Variants in ZZEF1 observed in about 807,000 individuals in gnomAD.
ZZEF1 encodes the protein zinc finger ZZ-type and EF-hand domain-containing protein 1.
A neutral mutation model predicts 342.8 loss-of-function variants in ZZEF1; 157 were observed. The observed-to-expected ratio is 0.46, with a 90% CI of 0.40 to 0.52. The LOEUF (loss-of-function observed/expected upper bound fraction) is 0.52. ZZEF1 is among the 20% of genes least tolerant of loss of function. The pLI is 0.00. For missense variants in ZZEF1, 3,480 were observed against 3,725.6 expected (o/e 0.93, Z 1.72); for synonymous variants, 1,505 against 1,429.1 (o/e 1.05, Z -1.20).
intron 42 of ZZEF1, among the ~76,000 whole-genome samples, chr17:4,029,235 A>G (rs1413997790): frequency 6.6e-6 from 1 of 152,210 alleles, no homozygotes; most frequent in East Asian, 1.9e-4. Context: ...TTGTAATAAT[A>G]TTCATAATAG....
chr17:4,039,790 C>A (rs2056761589), intron 39 of ZZEF1, among the ~76,000 whole-genome samples: 1 of 151,544 alleles, frequency 6.6e-6, no homozygotes, highest in Non-Finnish European at 1.5e-5. Context: ...ACTACAGGCG[C>A]CCGCCACCAC....
chr17:4,059,039 G>A (rs1204883073), intron 31 of ZZEF1, 132 bp downstream of exon 31: 1 of 691,314 alleles, frequency 1.4e-6, no homozygotes, highest in African/African-American at 1.9e-5. Flanking sequence ...AGCTCTCTAG[G>A]TGGTAACATT....
intron 37 of ZZEF1, among the ~76,000 whole-genome samples, chr17:4,047,218 A>C (rs970293153): frequency 1.3e-5 from 2 of 152,230 alleles, no homozygotes; most frequent in African/African-American, 2.4e-5. Context: ...GGAAGGCCTA[A>C]AACAAGCCTG....
chr17:4,021,099 C>G, intron 45 of ZZEF1, 30 bp downstream of exon 45: 1 of 1,565,324 alleles, frequency 6.4e-7, no homozygotes. Context: ...AGAAGCCCCT[C>G]CTAAGCCACA....
chr17:4,119,460 C>T lies in ZZEF1; in HGVS notation c.500-2294G>A, dbSNP rs77636984. On this transcript the variant is annotated intron_variant, in intron 2 of 54. Coordinates refer to ENST00000381638, the MANE Select transcript of ZZEF1 (RefSeq NM_015113.4). ...TGGCCTTTCCCACCGGAACAGCTCT[C>T]ACCCTACTGGTCAGGAAGCCAACAT... Among the ~76,000 whole-genome samples the T allele has an allele frequency of 6.6e-3, 1,010 of 152,346 alleles. 6 individuals carry two copies. The highest frequency in any genetic ancestry group is 0.02 in the Middle Eastern group (6 of 294).
At chr17:4,049,418 G>C (rs1406875004) in intron 37 of ZZEF1, among the ~76,000 whole-genome samples, 1 of 152,104 alleles carries the variant, frequency 6.6e-6, no homozygotes, top group Non-Finnish European at 1.5e-5. Flanking sequence ...AGGATGAAGT[G>C]GGAGGATCAC....
Position 4,076,740 on chromosome 17 carries a change from A to G in ZZEF1, c.3131T>C (p.Phe1044Ser). The change falls in exon 21 of 55, where the codon TTC (phenylalanine) becomes TCC (serine). Residue 1044 changes from phenylalanine (F) to serine (S), a missense_variant. Physicochemically the swap from Phe to Ser is radical, Grantham distance 155. Around this residue, in one of 5 missense-constraint regions of ZZEF1, gnomAD observed 1,528 missense variants for 1,624.1 expected, o/e 0.94. Coordinates refer to ENST00000381638, the MANE Select transcript of ZZEF1 (RefSeq NM_015113.4). Reference sequence around the variant, plus strand: ...GCAGTGTGGGATGTCTAAAGTGCAGAAGTCCAGCAGGAAGATAACCTAATG... The same window carrying G: ...GCAGTGTGGGATGTCTAAAGTGCAGGAGTCCAGCAGGAAGATAACCTAATG... ...ARQLVIFLLD[F>S]CTLDIPHCVL... is the part of the protein sequence containing the mutation. The G allele has an allele frequency of 1.2e-6, 2 of 1,610,978 alleles. No individual in the cohort carries two copies. Among genetic ancestry groups the G allele is most frequent in the Non-Finnish European group, 1.7e-6 (2 of 1,177,612 alleles).
Position 4,025,076 on chromosome 17 carries a change from C to G in ZZEF1, c.6935G>C (p.Cys2312Ser). 1 of 1,614,182 alleles carries G rather than the reference C, an allele frequency of 6.2e-7. No homozygotes were observed. Among genetic ancestry groups the G allele is most frequent in the African/African-American group, 1.3e-5 (1 of 75,042 alleles). Residue 2312 changes from cysteine (C) to serine (S), a missense_variant, in exon 43 of 55, where the codon TGT becomes TCT. Around this residue, in one of 5 missense-constraint regions of ZZEF1, gnomAD observed 1,269 missense variants for 1,342.4 expected, o/e 0.95. Coordinates refer to ENST00000381638, the MANE Select transcript of ZZEF1 (RefSeq NM_015113.4). ...GCTCAGCTGGGCCCGAGAGTCACCA[C>G]ACTCTTGTCCTCCTCCCTTCTGGAC... ...QLVQKGGGQECGDSRAQLSQY... is the reference protein window; with the variant it reads ...QLVQKGGGQESGDSRAQLSQY...
At position 4,087,505 on chromosome 17, in the gene ZZEF1, A is replaced by G; in HGVS notation, c.2271T>C (p.Tyr757=). 6.2e-7 allele frequency: 1 copy of G among 1,610,548 alleles called. No individual in the cohort carries two copies. Among genetic ancestry groups the G allele is most frequent in the Non-Finnish European group, 8.5e-7 (1 of 1,179,138 alleles). Residue 757 remains tyrosine, a synonymous_variant, in exon 14 of 55, where the codon TAT becomes TAC. Transcript: ENST00000381638. ...GACCCGCGAAGTCCAGAAAAGATTT[A>G]TATTTTAAGCCACTTTCCTTCTGCT... ...LVQQKESGLK[Y]KSFLDFAGLD... is the part of the protein sequence containing the mutation.
intron 42 of ZZEF1, among the ~76,000 whole-genome samples, chr17:4,029,741 G>C (rs1350888845): frequency 6.6e-6 from 1 of 151,870 alleles, no homozygotes; most frequent in Non-Finnish European, 1.5e-5. Context: ...GGGCATAGTG[G>C]CATGTGCCTG....
At chr17:4,105,938 C>A in intron 6 of ZZEF1, 129 bp from the exon 7 acceptor site, 2 of 702,816 alleles carry the variant, frequency 2.8e-6, no homozygotes, top group Non-Finnish European at 4.6e-6. Flanking sequence ...GAAGCTGGCA[C>A]ACAATATAAA....
At chr17:4,064,251 C>G in intron 29 of ZZEF1, 110 bp downstream of exon 29, 1 of 867,130 alleles carries the variant, frequency 1.2e-6, no homozygotes, top group Non-Finnish European at 1.7e-6. Context: ...AAGTCTTGAT[C>G]TATCCTAAAT....
At chr17:4,032,773 G>T in intron 41 of ZZEF1, 55 bp downstream of exon 41, 1 of 1,584,146 alleles carries the variant, frequency 6.3e-7, no homozygotes, top group Non-Finnish European at 8.6e-7. Context: ...GCTTTGGTGT[G>T]TATAGTGAAG....
At chr17:4,107,067 G>C (rs774509623) in intron 6 of ZZEF1, among the ~76,000 whole-genome samples, 12 of 152,114 alleles carry the variant, frequency 7.9e-5, no homozygotes, top group Admixed American at 2.0e-4. Context: ...AGTAGCATGC[G>C]ATCATTTACT....
At chr17:4,076,596 G>C in intron 21 of ZZEF1, 41 bp downstream of exon 21, 1 of 1,586,996 alleles carries the variant, frequency 6.3e-7, no homozygotes, top group Non-Finnish European at 8.6e-7. Flanking sequence ...CATCACTCCT[G>C]AGAGAGAACA....
chr17:4,064,702 A>T lies in ZZEF1; in HGVS notation c.4377T>A (p.Arg1459=). 1 of 1,614,196 alleles carries T rather than the reference A, an allele frequency of 6.2e-7. No individual in the cohort carries two copies. The highest frequency in any genetic ancestry group is 1.1e-5 in the South Asian group (1 of 91,086). Residue 1459 remains arginine (R), a synonymous_variant, in exon 29 of 55, where the codon CGT becomes CGA. Transcript: ENST00000381638. ...CTTCCACCACAGAGCTTGTCCTCTGACGCTTGTTGAGTGGCTGGAGATGAC... is the reference window on the plus strand; with the variant it reads ...CTTCCACCACAGAGCTTGTCCTCTGTCGCTTGTTGAGTGGCTGGAGATGAC... ...ETSHLQPLNK[R]QRTSSVVEEH... is the part of the protein sequence containing the mutation.
intron 5 of ZZEF1, among the ~76,000 whole-genome samples, chr17:4,112,147 C>T (rs12949370): frequency 0.43 from 54,735 of 126,162 alleles, 11,776 homozygotes; most frequent in African/African-American, 0.51. Context: ...CTATAATTTC[C>T]TTCTTTTTTT....
intron 1 of ZZEF1, among the ~76,000 whole-genome samples, chr17:4,132,540 T>C (rs12947172): frequency 0.76 from 108,604 of 143,730 alleles, 42,198 homozygotes; most frequent in East Asian, 0.98. Flanking sequence ...CTACTAAAAA[T>C]ACAAAAAATT....
At chr17:4,090,672 C>T in intron 12 of ZZEF1, 47 bp downstream of exon 12, 2 of 1,490,048 alleles carry the variant, frequency 1.3e-6, no homozygotes, top group Non-Finnish European at 9.3e-7. Flanking sequence ...ACTCAAAAAA[C>T]ACAGAATAAA....
Sources: allele counts gnomAD v4.1 joint callset (sites outside exome capture counted in the v4.1 genomes callset), GRCh38; gene constraint gnomAD v4.1.1; regional missense constraint gnomAD v4.1.1; transcripts MANE v1.5; gene names NCBI Gene and HGNC (gene_info 2026-07-23, HGNC 2026-07-21).